Variants in DPRX observed in about 807,000 individuals in gnomAD.
The protein encoded by DPRX is divergent paired-related homeobox.
DPRX carries 11 observed loss-of-function variants against 8.4 expected under a neutral mutation model. That is an observed-to-expected ratio of 1.31 (90% CI 0.82 to 2.17). The LOEUF is 2.17. Ranked by LOEUF, DPRX falls within the 30% of genes most tolerant of loss-of-function variation. The pLI is 0.00. For synonymous variants in DPRX, 72 were observed against 87.0 expected, an observed-to-expected ratio of 0.83 and a Z score of 0.96; for missense variants, 211 against 236.7, an observed-to-expected ratio of 0.89 and a Z score of 0.71.
At chr19:53,619,187 C>T in the DPRX span, among the ~76,000 whole-genome samples, 5 of 151,938 alleles carry the variant, frequency 3.3e-5, no homozygotes, top group African/African-American at 1.2e-4. Flanking sequence ...GATCCTAAAC[C>T]AAGAGGGAGG....
At chr19:53,610,705 A>G in the DPRX span, among the ~76,000 whole-genome samples, 1 of 152,186 alleles carries the variant, frequency 6.6e-6, no homozygotes, top group South Asian at 2.1e-4. Flanking sequence ...ACACAAATTC[A>G]GAAACTTTCT....
chr19:53,626,855 C>A, the DPRX span, among the ~76,000 whole-genome samples: 10 of 152,074 alleles, frequency 6.6e-5, no homozygotes, highest in African/African-American at 1.9e-4. Context: ...CCTGCCATCA[C>A]GCCTGGCTAA....
intron 2 of DPRX, 72 bp from the exon 3 acceptor site, chr19:53,636,524 T>A: frequency 8.0e-7 from 1 of 1,246,216 alleles, no homozygotes; most frequent in South Asian, 3.1e-5. Flanking sequence ...AATTAAAAAG[T>A]AAAAATTTTT....
the DPRX span, chr19:53,608,355 C>T: frequency 1.3e-5 from 2 of 152,370 alleles, 1 homozygote; most frequent in Non-Finnish European, 2.9e-5. Context: ...TTGATGAAGC[C>T]GGAGAAGATG....
chr19:53,608,169 T>TAA, the DPRX span: 1 of 54,832 alleles, frequency 1.8e-5, no homozygotes. Context: ...AGACTCCATC[T>TAA]CAAAAAAAAA....
chr19:53,609,751 A>G, the DPRX span, among the ~76,000 whole-genome samples: 91,794 of 151,000 alleles, frequency 0.61, 28,286 homozygotes, highest in Admixed American at 0.7. Context: ...TTGGGAGGCC[A>G]AGGCGGGCAG....
the DPRX span, among the ~76,000 whole-genome samples, chr19:53,602,907 C>T: frequency 6.6e-6 from 1 of 151,774 alleles, no homozygotes; most frequent in Non-Finnish European, 1.5e-5. Context: ...CAACTCCTCA[C>T]CTCAAGTGAT....
chr19:53,623,503 T>G, the DPRX span, among the ~76,000 whole-genome samples: 1 of 151,846 alleles, frequency 6.6e-6, no homozygotes, highest in African/African-American at 2.4e-5. Flanking sequence ...CCTGGCATGG[T>G]GGCACATGCC....
chr19:53,616,467 G>C, the DPRX span, among the ~76,000 whole-genome samples: 1 of 151,040 alleles, frequency 6.6e-6, no homozygotes, highest in South Asian at 2.1e-4. Flanking sequence ...TTAAAAGACT[G>C]TACTGGACCT....
chr19:53,603,163 C>T, the DPRX span, among the ~76,000 whole-genome samples: 3 of 150,864 alleles, frequency 2.0e-5, no homozygotes, highest in East Asian at 2.0e-4. Context: ...GCAGTTGTCC[C>T]GCCTCAGCCT....
chr19:53,618,364 T>C, the DPRX span, among the ~76,000 whole-genome samples: 1 of 151,354 alleles, frequency 6.6e-6, no homozygotes, highest in African/African-American at 2.4e-5. Flanking sequence ...TTAACTAGAG[T>C]GTGTGATGGT....
upstream of DPRX, among the ~76,000 whole-genome samples, chr19:53,627,963 C>T (rs1217436198): frequency 4.6e-5 from 7 of 151,634 alleles, no homozygotes; most frequent in Non-Finnish European, 1.0e-4. Flanking sequence ...ATCCGGGAGG[C>T]GGAGGTTGCA....
At chr19:53,601,180 C>A in the DPRX span, 1 of 449,508 alleles carries the variant, frequency 2.2e-6, no homozygotes, top group Admixed American at 2.4e-5. Flanking sequence ...CACTGTTAGC[C>A]TGAGACAGCT....
intron 1 of DPRX, 42 bp from the exon 2 acceptor site, chr19:53,634,489 T>A: frequency 3.2e-6 from 5 of 1,586,160 alleles, no homozygotes; most frequent in Non-Finnish European, 4.3e-6. Flanking sequence ...AGAATGGAGT[T>A]GTTAGCATTT....
At chr19:53,620,422 G>GCA in the DPRX span, among the ~76,000 whole-genome samples, 1 of 151,364 alleles carries the variant, frequency 6.6e-6, no homozygotes. Context: ...GAGTGCAGTG[G>GCA]TGTGATCTTG....
exon 3 of DPRX, chr19:53,636,973 A>G (rs1226026060): frequency 6.2e-7 from 1 of 1,601,148 alleles, no homozygotes; most frequent in African/African-American, 1.3e-5. Flanking sequence ...CATCTAACCA[A>G]AGTCGAGAGA....
the DPRX span, among the ~76,000 whole-genome samples, chr19:53,614,771 G>A: frequency 6.6e-6 from 1 of 151,886 alleles, no homozygotes; most frequent in Non-Finnish European, 1.5e-5. Flanking sequence ...TTTATTTTCT[G>A]ATTTTAGGTC....
chr19:53,622,499 G>T, the DPRX span, among the ~76,000 whole-genome samples: 4 of 152,086 alleles, frequency 2.6e-5, no homozygotes, highest in African/African-American at 9.7e-5. Flanking sequence ...CCCTCCCTTG[G>T]TGTTATCTCA....
At chr19:53,616,770 A>G in the DPRX span, 55 of 1,515,732 alleles carry the variant, frequency 3.6e-5, no homozygotes, top group Middle Eastern at 5.4e-4. Flanking sequence ...ATAAGAAAAA[A>G]TAGAGGCCGA....
Sources: allele counts gnomAD v4.1 joint callset (sites outside exome capture counted in the v4.1 genomes callset), GRCh38; gene constraint gnomAD v4.1.1; transcripts MANE v1.5; gene names NCBI Gene and HGNC (gene_info 2026-07-23, HGNC 2026-07-21).